SPRYD7: variants seen among roughly 807,000 people sequenced by gnomAD.
SPRYD7 encodes SPRY domain containing 7.
In SPRYD7, 14 loss-of-function variants were observed where a neutral mutation model predicts 23.8. The ratio of observed to expected loss-of-function variants is 0.59; its 90% CI spans 0.39 to 0.92. SPRYD7 has a LOEUF of 0.92. SPRYD7 is among the 40% of genes least tolerant of loss of function. The probability of loss-of-function intolerance (pLI) is 0.00; values close to 1 mark genes in which losing one functional copy is unlikely to be tolerated. For missense variants in SPRYD7, 194 were observed against 241.7 expected, an observed-to-expected ratio of 0.80 and a Z score of 1.31; for synonymous variants, 75 against 84.9, an observed-to-expected ratio of 0.88 and a Z score of 0.64.
At chr13:49,929,130 C>T (rs1350898518) in intron 2 of SPRYD7, among the ~76,000 whole-genome samples, 2 of 152,084 alleles carry the variant, frequency 1.3e-5, no homozygotes, top group African/African-American at 4.8e-5. Context: ...GCCACCATGC[C>T]CCATTGAAAA....
Position 49,912,724 on chromosome 13 carries a change from CTTTAA to C in SPRYD7, c.*2334_*2338del, listed in dbSNP as rs764246978. 2 of 152,142 alleles carry C rather than the reference CTTTAA, an allele frequency of 1.3e-5. No homozygotes were observed. The highest frequency in any genetic ancestry group is 6.6e-5 in the Admixed American group (1 of 15,264). The allele number at this position is 152,142 out of a possible 1,614,324, so 9.4% of individuals were successfully genotyped here. On this transcript the variant is annotated 3_prime_UTR_variant, in exon 5 of 5. Transcript: ENST00000361840. ...TCATAACGATAGCAAACAGTAGTCA[CTTTAA>C]TTTGCTTTCCCAAGTAAGCACATTC...
chr13:49,928,509 A>T (rs1955909589), intron 2 of SPRYD7, among the ~76,000 whole-genome samples: 1 of 152,246 alleles, frequency 6.6e-6, no homozygotes, highest in Non-Finnish European at 1.5e-5. Flanking sequence ...AGTACAGCCT[A>T]GGAGATAAGA....
At chr13:49,922,041 ATTTTATTTCCAGGAAGAAAT>A (rs1955827385) in intron 3 of SPRYD7, among the ~76,000 whole-genome samples, 1 of 152,056 alleles carries the variant, frequency 6.6e-6, no homozygotes, top group Admixed American at 6.6e-5. Flanking sequence ...GTCTCTATAC[ATTTTATTTCCAGGAAGAAAT>A]AACACATTTC....
chr13:49,936,304 C>T lies in SPRYD7; in HGVS notation c.-69G>A, dbSNP rs1419077897. On this transcript the variant is annotated 5_prime_UTR_variant, in exon 1 of 5. Transcript: ENST00000361840. ...GACACTGCCCCCCGCCGCTCAGCTC[C>T]GTCTCCTGCCCCCGCCCGAGGTCCG... 25 of 1,161,040 alleles carry T rather than the reference C, an allele frequency of 2.2e-5. No individual in the cohort carries two copies. Among genetic ancestry groups the T allele is most frequent in the Non-Finnish European group, 3.0e-5 (25 of 824,426 alleles). 71.9% of individuals were successfully genotyped at this position (1,161,040 alleles called of 1,614,324 possible).
chr13:49,915,453 G>T (rs572238760), intron 4 of SPRYD7, among the ~76,000 whole-genome samples: 1 of 152,118 alleles, frequency 6.6e-6, no homozygotes, highest in Non-Finnish European at 1.5e-5. Flanking sequence ...TTGCTTATCT[G>T]CATTTTCTCA....
chr13:49,925,684 C>T (rs1304594291), intron 3 of SPRYD7, among the ~76,000 whole-genome samples: 3 of 151,718 alleles, frequency 2.0e-5, no homozygotes, highest in African/African-American at 4.8e-5. Flanking sequence ...TGGTGGCGGG[C>T]GCCTGTAGTC....
In SPRYD7 at chr13:49,936,284, T is replaced by C; in HGVS notation, c.-49A>G. On this transcript the variant is annotated 5_prime_UTR_variant, in exon 1 of 5. Coordinates refer to ENST00000361840, the MANE Select transcript of SPRYD7 (RefSeq NM_020456.4). ...CGCCGTCCCTAGACCGAGGCGACACTGCCCCCCGCCGCTCAGCTCCGTCTC... is the reference window on the plus strand; with the variant it reads ...CGCCGTCCCTAGACCGAGGCGACACCGCCCCCCGCCGCTCAGCTCCGTCTC... 1 of 1,367,694 alleles carries C rather than the reference T, an allele frequency of 7.3e-7. No individual in the cohort carries two copies. Among genetic ancestry groups the C allele is most frequent in the Non-Finnish European group, 1.0e-6 (1 of 996,148 alleles). 84.7% of individuals were successfully genotyped at this position (1,367,694 alleles called of 1,614,324 possible).
rs1294799547 is a variant in SPRYD7 at position 49,914,927 on chromosome 13, A to C, written c.*136T>G. On this transcript the variant is annotated 3_prime_UTR_variant, in exon 5 of 5. Transcript: ENST00000361840. ...ATCACAACTTCAGGGTGGTATACTG[A>C]ATACATTGGTTCCTTAGACAGCATC... 1 of 459,378 alleles carries C rather than the reference A, an allele frequency of 2.2e-6. No homozygotes were observed. Among genetic ancestry groups the C allele is most frequent in the African/African-American group, 2.0e-5 (1 of 49,186 alleles). 28.5% of individuals were successfully genotyped at this position (459,378 alleles called of 1,614,324 possible).
At chr13:49,930,681 G>T (rs929906764) in intron 2 of SPRYD7, among the ~76,000 whole-genome samples, 1 of 152,084 alleles carries the variant, frequency 6.6e-6, no homozygotes, top group African/African-American at 2.4e-5. Context: ...GACCTTATAT[G>T]CTTGACCAAA....
In SPRYD7 at chr13:49,934,926, G is replaced by GT. The variant is rs1871548299; in HGVS notation, c.106+1203dup. On this transcript the variant is annotated intron_variant, in intron 1 of 4. Transcript: ENST00000361840. ...TAATAAATATCACTTCAGTAAATGA[G>GT]TAACTGAAATGGAAATATTTTCTGA... Among the ~76,000 whole-genome samples, 3 of 152,270 alleles carry GT rather than the reference G, an allele frequency of 2.0e-5. No homozygotes were observed. The South Asian group carries it at 6.2e-4, about 32-fold the overall frequency.
chr13:49,930,410 G>A (rs1424127288), intron 2 of SPRYD7, among the ~76,000 whole-genome samples: 1 of 151,934 alleles, frequency 6.6e-6, no homozygotes, highest in Non-Finnish European at 1.5e-5. Flanking sequence ...TGAAACCTCT[G>A]TCTCTACTGA....
At chr13:49,925,175 G>A (rs917137376) in intron 3 of SPRYD7, among the ~76,000 whole-genome samples, 4 of 151,394 alleles carry the variant, frequency 2.6e-5, no homozygotes, top group Non-Finnish European at 4.4e-5. Context: ...GGTGGATCAC[G>A]AGGTCAGGAG....
At chr13:49,930,773 C>A (rs1786758529) in intron 2 of SPRYD7, among the ~76,000 whole-genome samples, 1 of 152,096 alleles carries the variant, frequency 6.6e-6, no homozygotes, top group South Asian at 2.1e-4. Context: ...CACTTTCATA[C>A]ATAGAGTTCC....
intron 4 of SPRYD7, 122 bp downstream of exon 4, chr13:49,921,356 C>G: frequency 7.7e-6 from 5 of 645,318 alleles, no homozygotes; most frequent in Non-Finnish European, 1.4e-5. Context: ...TCAATTAAAC[C>G]TCTTTCCTTT....
At chr13:49,927,823 A>G in intron 3 of SPRYD7, 96 bp downstream of exon 3, 2 of 1,347,948 alleles carry the variant, frequency 1.5e-6, no homozygotes, top group Non-Finnish European at 2.1e-6. Context: ...ACTGCTTTGG[A>G]ATTCAAACCA....
At chr13:49,923,202 G>T (rs188715000) in intron 3 of SPRYD7, among the ~76,000 whole-genome samples, 1 of 151,912 alleles carries the variant, frequency 6.6e-6, no homozygotes, top group Non-Finnish European at 1.5e-5. Context: ...TGTAATCCAG[G>T]CACTTTCATC....
chr13:49,924,493 G>C (rs1465548859), intron 3 of SPRYD7, among the ~76,000 whole-genome samples: 1 of 151,886 alleles, frequency 6.6e-6, no homozygotes, highest in Non-Finnish European at 1.5e-5. Flanking sequence ...TGTTTGTAGA[G>C]ATGGGGTCTC....
chr13:49,920,243 T>A (rs1331983127), intron 4 of SPRYD7, among the ~76,000 whole-genome samples: 1 of 148,664 alleles, frequency 6.7e-6, no homozygotes, highest in Non-Finnish European at 1.5e-5. Flanking sequence ...ACAGCAAGAC[T>A]CTGTCGCAAA....
intron 1 of SPRYD7, 83 bp downstream of exon 1, chr13:49,936,047 G>C: frequency 1.1e-6 from 1 of 881,264 alleles, no homozygotes; most frequent in Non-Finnish European, 1.6e-6. Context: ...GGCAGCGTGG[G>C]GACCCTCTGA....
Sources: allele counts gnomAD v4.1 joint callset (sites outside exome capture counted in the v4.1 genomes callset), GRCh38; gene constraint gnomAD v4.1.1; transcripts MANE v1.5; gene names NCBI Gene and HGNC (gene_info 2026-07-23, HGNC 2026-07-21).